Variants in ZNF710 observed in about 807,000 individuals in gnomAD.
ZNF710 encodes zinc finger protein 710.
In ZNF710, 13 loss-of-function variants were observed where a neutral mutation model predicts 50.6. The observed-to-expected ratio is 0.26, with a 90% CI of 0.17 to 0.41. The LOEUF is 0.41. ZNF710 is among the 10% of genes least tolerant of loss of function. The probability of loss-of-function intolerance (pLI) is 1.00; values close to 1 mark genes in which losing one functional copy is unlikely to be tolerated. For missense variants in ZNF710, 721 were observed against 936.6 expected, an observed-to-expected ratio of 0.77 and a Z score of 3.01; for synonymous variants, 383 against 397.0, an observed-to-expected ratio of 0.96 and a Z score of 0.42.
intron 2 of ZNF710, among the ~76,000 whole-genome samples, chr15:90,069,552 G>T (rs184317191): frequency 2.0e-5 from 3 of 152,258 alleles, no homozygotes; most frequent in Admixed American, 2.0e-4. Context: ...AGGCGTCCTG[G>T]CTCAGTGGTC....
At chr15:90,020,493 C>A (rs1052855977) in intron 1 of ZNF710, among the ~76,000 whole-genome samples, 2 of 151,066 alleles carry the variant, frequency 1.3e-5, no homozygotes, top group Admixed American at 6.6e-5. Context: ...TCCCCGCCCC[C>A]GGGGAGACAC....
At chr15:90,042,146 C>T (rs1403250596) in intron 1 of ZNF710, among the ~76,000 whole-genome samples, 1 of 152,092 alleles carries the variant, frequency 6.6e-6, no homozygotes, top group South Asian at 2.1e-4. Flanking sequence ...ATCCACCCGC[C>T]TCAGCCTTCC....
intron 1 of ZNF710, among the ~76,000 whole-genome samples, chr15:90,012,463 G>A (rs1158764093): frequency 4.0e-5 from 6 of 151,874 alleles, no homozygotes; most frequent in Non-Finnish European, 8.8e-5. Context: ...GTAGAGACGG[G>A]GTTTCACCGT....
intron 1 of ZNF710, among the ~76,000 whole-genome samples, chr15:90,058,631 CCA>C (rs1201031005): frequency 1.3e-5 from 2 of 151,376 alleles, no homozygotes; most frequent in African/African-American, 4.9e-5. Context: ...GGGAGATGAT[CCA>C]CAGTGTGATT....
intron 1 of ZNF710, among the ~76,000 whole-genome samples, chr15:90,027,298 A>G (rs898783544): frequency 6.6e-6 from 1 of 151,734 alleles, no homozygotes; most frequent in Non-Finnish European, 1.5e-5. Flanking sequence ...GCAATGTCCA[A>G]CTCCTGGGTT....
At chr15:90,018,626 G>T (rs1898523076) in intron 1 of ZNF710, among the ~76,000 whole-genome samples, 1 of 152,148 alleles carries the variant, frequency 6.6e-6, no homozygotes, top group Non-Finnish European at 1.5e-5. Flanking sequence ...GGTCATGTCT[G>T]CTTTGCCTTT....
At position 90,080,566 on chromosome 15, in the gene ZNF710, C is replaced by T. The variant is rs1460331819; in HGVS notation, c.*737C>T. 1.3e-5 allele frequency: 2 copies of T among 152,662 alleles called. No homozygotes were observed. The highest frequency in any genetic ancestry group is 2.9e-5 in the Non-Finnish European group (2 of 68,224). The allele number at this position is 152,662 out of a possible 1,614,324, so 9.5% of individuals were successfully genotyped here. On this transcript the variant is annotated 3_prime_UTR_variant, in exon 5 of 5. Coordinates refer to ENST00000268154, the MANE Select transcript of ZNF710 (RefSeq NM_198526.4). ...CCTCACCAGGGGGCCCCACTAGGAA[C>T]AAAGCCAGGACAGGCCCCGCGTCAG... is the stretch of plus-strand genomic sequence containing the variant.
Position 90,068,157 on chromosome 15 carries a change from G to T in ZNF710, c.1020G>T (p.Thr340=). 6.2e-7 allele frequency: 1 copy of T among 1,614,200 alleles called. No homozygotes were observed. Among genetic ancestry groups the T allele is most frequent in the Non-Finnish European group, 8.5e-7 (1 of 1,180,052 alleles). Residue 340 remains threonine (T), a synonymous_variant, in exon 2 of 5, where the codon ACG becomes ACT. Transcript: ENST00000268154. This position sits in a 1 kb window ranked among gnomAD's most constrained non-coding sequence, Gnocchi z 5.0. ...KLFKQPSHLQ[T]HLLTHQGTRP... Reference sequence around the variant, plus strand: ...TCAAGCAGCCCAGCCACCTGCAGACGCACCTGCTGACGCACCAGGGCACCC... The same window carrying T: ...TCAAGCAGCCCAGCCACCTGCAGACTCACCTGCTGACGCACCAGGGCACCC...
At chr15:90,011,163 C>G (rs1006278426) in intron 1 of ZNF710, among the ~76,000 whole-genome samples, 4 of 152,156 alleles carry the variant, frequency 2.6e-5, no homozygotes, top group African/African-American at 7.2e-5. Context: ...CTCCTGACCT[C>G]ACGTGATCCA....
intron 1 of ZNF710, among the ~76,000 whole-genome samples, chr15:90,008,429 T>TATATATAC (rs1898198419): frequency 5.3e-4 from 73 of 138,472 alleles, no homozygotes; most frequent in African/African-American, 2.2e-3. Flanking sequence ...TGTGTGTGTA[T>TATATATAC]ATATATATAT....
chr15:90,007,315 C>T (rs1898164834), intron 1 of ZNF710, among the ~76,000 whole-genome samples: 1 of 152,088 alleles, frequency 6.6e-6, no homozygotes, highest in South Asian at 2.1e-4. Context: ...GAACATAATA[C>T]TTTTAAGAAT....
At chr15:90,026,736 A>G (rs1272916425) in intron 1 of ZNF710, among the ~76,000 whole-genome samples, 1 of 152,226 alleles carries the variant, frequency 6.6e-6, no homozygotes, top group East Asian at 1.9e-4. Context: ...AAAGCTTAAT[A>G]TAGTAACTAC....
rs1419513166 is a variant in ZNF710, at chr15:90,062,843, C to T, written c.-28-4267C>T. Among the ~76,000 whole-genome samples the T allele has an allele frequency of 6.6e-6, 1 of 152,172 alleles. No homozygotes were observed. Among genetic ancestry groups the T allele is most frequent in the Non-Finnish European group, 1.5e-5 (1 of 68,024 alleles). On this transcript the variant is annotated intron_variant, in intron 1 of 4. Transcript: ENST00000268154. The surrounding 1 kb of genome is among the most constrained non-coding windows in gnomAD (Gnocchi z 5.6). ...CCTTCTGCATACACACACGCGCGCA[C>T]GCGCACACACACACAGCCTGCCTGG...
In ZNF710 at chr15:90,059,935, G is replaced by A. The variant is rs1252117769; in HGVS notation, c.-28-7175G>A. On this transcript the variant is annotated intron_variant, in intron 1 of 4. Transcript: ENST00000268154. The surrounding 1 kb of genome is among the most constrained non-coding windows in gnomAD (Gnocchi z 4.1). Reference sequence around the variant, plus strand: ...ACCTGTCCCGCCCACTCCAGCTTCAGCCTCTCCAGCCCCAGGGCCCTGGAC... The same window carrying A: ...ACCTGTCCCGCCCACTCCAGCTTCAACCTCTCCAGCCCCAGGGCCCTGGAC... 6.6e-6 allele frequency among the ~76,000 whole-genome samples: 1 copy of A among 152,166 alleles called. No homozygotes were observed. The highest frequency in any genetic ancestry group is 1.9e-4 in the East Asian group (1 of 5,182).
chr15:90,053,372 A>T (rs963121101), intron 1 of ZNF710, among the ~76,000 whole-genome samples: 1 of 148,500 alleles, frequency 6.7e-6, no homozygotes, highest in African/African-American at 2.5e-5. Flanking sequence ...CTTTTGAGAC[A>T]CGGTCTCACT....
chr15:90,074,354 C>A lies in ZNF710; in HGVS notation c.1825+64C>A, dbSNP rs781251202. On this transcript the variant is annotated intron_variant, in intron 4 of 4. Coordinates refer to ENST00000268154, the MANE Select transcript of ZNF710 (RefSeq NM_198526.4). ...ACCAACATGACGCACTCAGGAGCCT[C>A]CTGCCCAGTTAGAGGAGTGGGGAGG... 2.5e-6 allele frequency: 4 copies of A among 1,598,910 alleles called. No individual in the cohort carries two copies. The African/African-American group carries it at 5.3e-5, about 21-fold the overall frequency.
intron 1 of ZNF710, among the ~76,000 whole-genome samples, chr15:90,049,713 C>T (rs1899579252): frequency 1.3e-5 from 2 of 152,276 alleles, no homozygotes; most frequent in African/African-American, 4.8e-5. Flanking sequence ...CCTTCCCAGG[C>T]CCCACTGCCC....
In ZNF710 at chr15:90,067,552, C is replaced by T. The variant is rs544257341; in HGVS notation, c.415C>T (p.Pro139Ser). 9 of 1,612,682 alleles carry T rather than the reference C, an allele frequency of 5.6e-6. No homozygotes were observed. The East Asian group carries it at 1.8e-4, about 32-fold the overall frequency. Residue 139 changes from proline to serine, a missense_variant, in exon 2 of 5, where the codon CCC becomes TCC. By Grantham distance (74) the Pro-to-Ser change is moderately conservative. Coordinates refer to ENST00000268154, the MANE Select transcript of ZNF710 (RefSeq NM_198526.4). This position sits in a 1 kb window ranked among gnomAD's most constrained non-coding sequence, Gnocchi z 8.1. Reference sequence around the variant, plus strand: ...CAAGGACGCAGGGCCAGCAGAAGCCCCCGCCGAGGCGGCCAGTGGCGGCTG... The same window carrying T: ...CAAGGACGCAGGGCCAGCAGAAGCCTCCGCCGAGGCGGCCAGTGGCGGCTG... ...DDKDAGPAEA[P>S]AEAASGGCDA...
In ZNF710 at chr15:90,001,550, G is replaced by GA. The variant is rs1898009864; in HGVS notation, c.-93_-92insA. The GA allele has an allele frequency of 6.8e-6, 1 of 146,392 alleles. No homozygotes were observed. The highest frequency in any genetic ancestry group is 2.5e-5 in the African/African-American group (1 of 40,552). The allele number at this position is 146,392 out of a possible 1,614,324, so 9.1% of individuals were successfully genotyped here. On this transcript the variant is annotated 5_prime_UTR_variant, in exon 1 of 5. Coordinates refer to ENST00000268154, the MANE Select transcript of ZNF710 (RefSeq NM_198526.4). ...CAGCCCGGGCGGTGGGCAGCCAGGAGCCCCCGGCCCGGCCCGGCCCGGCCC... is the reference window on the plus strand; with the variant it reads ...CAGCCCGGGCGGTGGGCAGCCAGGAGACCCCCGGCCCGGCCCGGCCCGGCCC...
Sources: gnomAD v4.1 joint callset for allele counts (sites outside exome capture counted in the v4.1 genomes callset) on GRCh38, gnomAD v4.1.1 for gene constraint, Gnocchi (gnomAD v3.1) non-coding constraint, MANE v1.5 for transcripts, NCBI Gene and HGNC (gene_info 2026-07-23, HGNC 2026-07-21) for gene names.